The following HECA variants were observed in gnomAD, a reference collection of about 807,000 sequenced individuals.
HECA encodes headcase protein homolog.
Under a neutral mutation model 37.6 loss-of-function variants are expected in HECA, and 13 were observed. The ratio of observed to expected loss-of-function variants is 0.35; its 90% CI spans 0.23 to 0.55. The LOEUF (loss-of-function observed/expected upper bound fraction) is 0.55. Ranked by LOEUF, HECA falls within the 20% of genes least tolerant of loss-of-function variation. The probability of loss-of-function intolerance (pLI) is 0.90; values close to 1 mark genes in which losing one functional copy is unlikely to be tolerated. For missense variants in HECA, 527 were observed against 701.9 expected (o/e 0.75, Z 2.82); for synonymous variants, 307 against 291.5 (o/e 1.05, Z -0.54).
At chr6:139,164,949 C>T (rs956190529) in intron 1 of HECA, among the ~76,000 whole-genome samples, 2 of 152,150 alleles carry the variant, frequency 1.3e-5, no homozygotes, top group Admixed American at 1.3e-4. Context: ...CCACCTCTGG[C>T]CACCTTATTA....
At position 139,167,241 on chromosome 6, in the gene HECA, A is replaced by G; in HGVS notation, c.1229A>G (p.Gln410Arg). ...LCHRALPVFE[Q>R]FPLVDGTLFL... is the part of the protein sequence containing the mutation. Reference sequence around the variant, plus strand: ...CACCGGGCGCTCCCGGTGTTCGAACAGTTCCCACTGGTGGATGGAACTTTG... The same window carrying G: ...CACCGGGCGCTCCCGGTGTTCGAACGGTTCCCACTGGTGGATGGAACTTTG... The change falls in exon 2 of 4, where the codon CAG (glutamine) becomes CGG (arginine). Residue 410 changes from glutamine to arginine, a missense_variant. Gln to Arg is a conservative substitution (Grantham distance 43). Around this residue, in one of 4 missense-constraint regions of HECA, gnomAD observed 106 missense variants for 193.4 expected, o/e 0.55. Coordinates refer to ENST00000367658, the MANE Select transcript of HECA (RefSeq NM_016217.3). 1.9e-6 allele frequency: 3 copies of G among 1,614,050 alleles called. No homozygotes were observed. Among genetic ancestry groups the G allele is most frequent in the Non-Finnish European group, 2.5e-6 (3 of 1,179,890 alleles).
At chr6:139,142,156 G>A (rs1562242436) in intron 1 of HECA, among the ~76,000 whole-genome samples, 1 of 151,960 alleles carries the variant, frequency 6.6e-6, no homozygotes, top group South Asian at 2.1e-4. Context: ...TCGATCTCTT[G>A]ACCTTGTGAT....
At chr6:139,169,642 G>T (rs1774944029) in intron 2 of HECA, 1 of 152,192 alleles carries the variant, frequency 6.6e-6, no homozygotes, top group Non-Finnish European at 1.5e-5. Flanking sequence ...TGTTAGGTTG[G>T]CTTAGGGGGC....
chr6:139,166,992 C>G lies in HECA; in HGVS notation c.980C>G (p.Ala327Gly). 1 of 1,614,196 alleles carries G rather than the reference C, an allele frequency of 6.2e-7. No homozygotes were observed. The highest frequency in any genetic ancestry group is 1.1e-5 in the South Asian group (1 of 91,088). ...FRNAHFDYSP[A>G]GLAVHRGGHF... Reference sequence around the variant, plus strand: ...AATGCCCACTTTGATTACAGCCCTGCGGGGTTGGCAGTTCACAGGGGGGGA... The same window carrying G: ...AATGCCCACTTTGATTACAGCCCTGGGGGGTTGGCAGTTCACAGGGGGGGA... The change falls in exon 2 of 4, where the codon GCG (alanine) becomes GGG (glycine). Residue 327 changes from alanine to glycine, a missense_variant. Around this residue, in one of 4 missense-constraint regions of HECA, gnomAD observed 228 missense variants for 259.8 expected, o/e 0.88. Transcript: ENST00000367658.
intron 1 of HECA, among the ~76,000 whole-genome samples, chr6:139,136,835 C>T (rs1178540631): frequency 6.6e-6 from 1 of 152,046 alleles, no homozygotes; most frequent in African/African-American, 2.4e-5. Context: ...AGGGTTTCAC[C>T]ATATTGGTCA....
rs45532935 is a variant in HECA at position 139,166,372 on chromosome 6, C to A, written c.360C>A (p.Asn120Lys). Residue 120 changes from asparagine to lysine, a missense_variant, in exon 2 of 4, where the codon AAC becomes AAA. By Grantham distance (94) the Asn-to-Lys change is moderately conservative (BLOSUM62 0). Coordinates refer to ENST00000367658, the MANE Select transcript of HECA (RefSeq NM_016217.3). The part of the protein sequence containing the change: ...KDDYQKVVCN[N>K]EHCPCSTWMH... ...ACTACCAGAAGGTGGTGTGCAACAACGAGCACTGCCCCTGCAGCACCTGGA... is the reference window on the plus strand; with the variant it reads ...ACTACCAGAAGGTGGTGTGCAACAAAGAGCACTGCCCCTGCAGCACCTGGA... 1 of 1,614,158 alleles carries A rather than the reference C, an allele frequency of 6.2e-7. No individual in the cohort carries two copies. Among genetic ancestry groups the A allele is most frequent in the East Asian group, 2.2e-5 (1 of 44,890 alleles).
chr6:139,157,445 C>T (rs1440278137), intron 1 of HECA, among the ~76,000 whole-genome samples: 1 of 152,202 alleles, frequency 6.6e-6, no homozygotes, highest in Non-Finnish European at 1.5e-5. Flanking sequence ...GACAATATAA[C>T]AGAGTACTTA....
chr6:139,140,450 C>T (rs904385241), intron 1 of HECA, among the ~76,000 whole-genome samples: 3 of 152,310 alleles, frequency 2.0e-5, no homozygotes, highest in South Asian at 4.1e-4. Context: ...TCTTCCTGTA[C>T]ACTTCGTGTA....
intron 2 of HECA, among the ~76,000 whole-genome samples, chr6:139,169,344 G>A (rs1023724345): frequency 6.6e-6 from 1 of 151,760 alleles, no homozygotes; most frequent in Admixed American, 6.6e-5. Flanking sequence ...AAATTTCCTT[G>A]ACTTTTTATT....
At chr6:139,162,147 C>T (rs2114464294) in intron 1 of HECA, among the ~76,000 whole-genome samples, 1 of 152,226 alleles carries the variant, frequency 6.6e-6, no homozygotes, top group Non-Finnish European at 1.5e-5. Flanking sequence ...CCTGAGTCGT[C>T]AGCTGGTGGG....
At chr6:139,168,380 T>TC (rs1774923251) in intron 2 of HECA, among the ~76,000 whole-genome samples, 1 of 151,746 alleles carries the variant, frequency 6.6e-6, no homozygotes, top group Admixed American at 6.6e-5. Flanking sequence ...AGTCTAGGAC[T>TC]CCTTTTGTTT....
intron 1 of HECA, among the ~76,000 whole-genome samples, chr6:139,164,528 C>T (rs535694338): frequency 9.9e-5 from 15 of 151,924 alleles, no homozygotes; most frequent in African/African-American, 1.9e-4. Context: ...TAAGAATTGG[C>T]GATGTAGTTT....
chr6:139,174,410 G>C lies in HECA; in HGVS notation c.1338G>C (p.Val446=), dbSNP rs1197704580. 1.9e-6 allele frequency: 3 copies of C among 1,613,796 alleles called. No homozygotes were observed. Among genetic ancestry groups the C allele is most frequent in the African/African-American group, 2.7e-5 (2 of 74,852 alleles). Residue 446 remains valine, a synonymous_variant, in exon 3 of 4, where the codon GTG becomes GTC. Transcript: ENST00000367658. Reference sequence around the variant, plus strand: ...GGAGACTCATGCATCTGTATGCCGTGTGCGTGGACTGCCTGGAAGGGGTTC... The same window carrying C: ...GGAGACTCATGCATCTGTATGCCGTCTGCGTGGACTGCCTGGAAGGGGTTC... ...LQGRLMHLYA[V]CVDCLEGVHK... is the part of the protein sequence containing the mutation.
intron 3 of HECA, among the ~76,000 whole-genome samples, chr6:139,175,481 C>T (rs1775038564): frequency 6.6e-6 from 1 of 152,126 alleles, no homozygotes; most frequent in African/African-American, 2.4e-5. Context: ...TGCCTTGATG[C>T]CAGCTCTTGA....
At chr6:139,171,223 A>G (rs1774967763) in intron 2 of HECA, among the ~76,000 whole-genome samples, 1 of 152,136 alleles carries the variant, frequency 6.6e-6, no homozygotes, top group Non-Finnish European at 1.5e-5. Flanking sequence ...TTGGATAGGA[A>G]GAAAAGAGAA....
chr6:139,143,979 T>A (rs1285838630), intron 1 of HECA, among the ~76,000 whole-genome samples: 1 of 152,100 alleles, frequency 6.6e-6, no homozygotes, highest in East Asian at 1.9e-4. Flanking sequence ...ATATAAGTAT[T>A]GGATTTGAAG....
In HECA at chr6:139,166,819, G is replaced by A. The variant is rs893941207; in HGVS notation, c.807G>A (p.Pro269=). Residue 269 remains proline (P), a synonymous_variant, in exon 2 of 4, where the codon CCG becomes CCA. Transcript: ENST00000367658. ...GTGCCCGTTCCCCCGGTGGCTCCCCGGGCCAGTCCCCACCCACGGGCTACT... is the reference window on the plus strand; with the variant it reads ...GTGCCCGTTCCCCCGGTGGCTCCCCAGGCCAGTCCCCACCCACGGGCTACT... The part of the protein sequence containing the change: ...AYGARSPGGS[P]GQSPPTGYSI... The A allele has an allele frequency of 4.3e-6, 7 of 1,613,636 alleles. No individual in the cohort carries two copies. The highest frequency in any genetic ancestry group is 1.7e-5 in the Admixed American group (1 of 60,010).
chr6:139,150,542 A>G (rs1774638139), intron 1 of HECA, among the ~76,000 whole-genome samples: 1 of 151,404 alleles, frequency 6.6e-6, no homozygotes, highest in Non-Finnish European at 1.5e-5. Flanking sequence ...TTAATTTTAA[A>G]TATTTTTTTC....
At chr6:139,164,534 A>G (rs890641866) in intron 1 of HECA, among the ~76,000 whole-genome samples, 2 of 152,088 alleles carry the variant, frequency 1.3e-5, no homozygotes, top group African/African-American at 4.8e-5. Flanking sequence ...TTGGCGATGT[A>G]GTTTTTAGCT....
Sources: allele counts gnomAD v4.1 joint callset (sites outside exome capture counted in the v4.1 genomes callset), GRCh38; gene constraint gnomAD v4.1.1; regional missense constraint gnomAD v4.1.1; transcripts MANE v1.5; gene names NCBI Gene and HGNC (gene_info 2026-07-23, HGNC 2026-07-21).